IL1RAPL2: variants seen among roughly 807,000 people sequenced by gnomAD.
The protein encoded by IL1RAPL2 is X-linked interleukin-1 receptor accessory protein-like 2.
In IL1RAPL2, 3 loss-of-function variants were observed where a neutral mutation model predicts 44.1. That is an observed-to-expected ratio of 0.07 (90% CI 0.03 to 0.18). The LOEUF (loss-of-function observed/expected upper bound fraction) is 0.18. Among genes scored for constraint, IL1RAPL2 ranks in the 10% least tolerant of loss-of-function variants. The pLI is 1.00. For missense variants in IL1RAPL2, 391 were observed against 496.4 expected, an observed-to-expected ratio of 0.79 and a Z score of 2.02; for synonymous variants, 181 against 178.8, an observed-to-expected ratio of 1.01 and a Z score of -0.10.
At chrX:105,334,642 A>G (rs1450921878) in intron 5 of IL1RAPL2, among the ~76,000 whole-genome samples, 1 of 111,722 alleles carries the variant, frequency 9.0e-6, no homozygotes, top group Non-Finnish European at 1.9e-5. Flanking sequence ...TACACCTACT[A>G]TGTACCCACA....
intron 5 of IL1RAPL2, among the ~76,000 whole-genome samples, chrX:105,379,111 T>C (rs759900379): frequency 8.9e-6 from 1 of 111,946 alleles, no homozygotes; most frequent in African/African-American, 3.2e-5. Flanking sequence ...CCTAAAACTT[T>C]ACAGTATTCT....
intron 2 of IL1RAPL2, among the ~76,000 whole-genome samples, chrX:105,034,101 T>G (rs1169598998): frequency 8.9e-6 from 1 of 111,950 alleles, no homozygotes; most frequent in African/African-American, 3.2e-5. Flanking sequence ...TTCTCTGCAT[T>G]GGTTATTGTA....
chrX:104,728,274 G>A (rs1931836674), intron 2 of IL1RAPL2, among the ~76,000 whole-genome samples: 1 of 111,389 alleles, frequency 9.0e-6, no homozygotes, highest in Non-Finnish European at 1.9e-5. Flanking sequence ...GACACTTGGT[G>A]AAAGAACTAC....
intron 5 of IL1RAPL2, among the ~76,000 whole-genome samples, chrX:105,452,263 T>C (rs1212226909): frequency 1.8e-5 from 2 of 111,818 alleles, no homozygotes; most frequent in Admixed American, 9.5e-5. Flanking sequence ...TAAAACTATG[T>C]ATTATTTTTG....
At chrX:105,548,082 C>G (rs1368148893) in intron 6 of IL1RAPL2, among the ~76,000 whole-genome samples, 1 of 111,571 alleles carries the variant, frequency 9.0e-6, no homozygotes, top group Non-Finnish European at 1.9e-5. Context: ...TTCATCCAAG[C>G]ACACAGCTGT....
At chrX:104,987,149 A>G (rs781471043) in intron 2 of IL1RAPL2, among the ~76,000 whole-genome samples, 5 of 111,687 alleles carry the variant, frequency 4.5e-5, no homozygotes, top group South Asian at 3.8e-4. Flanking sequence ...AGTGGACTTC[A>G]CTGACTATCC....
chrX:105,553,954 T>C (rs1343686648), intron 6 of IL1RAPL2, among the ~76,000 whole-genome samples: 1 of 113,046 alleles, frequency 8.8e-6, no homozygotes, highest in South Asian at 3.6e-4. Context: ...ATCTTCAACA[T>C]TGAGCCACCC....
chrX:105,754,497 T>C (rs2038621465), intron 9 of IL1RAPL2, among the ~76,000 whole-genome samples: 1 of 112,747 alleles, frequency 8.9e-6, no homozygotes, highest in Non-Finnish European at 1.9e-5. Context: ...TTGGCAATAC[T>C]GGACGGATGT....
intron 2 of IL1RAPL2, among the ~76,000 whole-genome samples, chrX:104,936,857 C>T (rs181729506): frequency 1.8e-5 from 2 of 111,001 alleles, no homozygotes; most frequent in South Asian, 3.9e-4. Context: ...CCACCCGCCT[C>T]GGCCTCCCAA....
At chrX:104,902,192 C>CT (rs1923838944) in intron 2 of IL1RAPL2, among the ~76,000 whole-genome samples, 1 of 111,764 alleles carries the variant, frequency 8.9e-6, no homozygotes, top group African/African-American at 3.3e-5. Context: ...TCAAAGGGGA[C>CT]TGCCAAGGCC....
chrX:105,541,909 CCCA>C (rs1385580809), intron 6 of IL1RAPL2, among the ~76,000 whole-genome samples: 2 of 111,277 alleles, frequency 1.8e-5, no homozygotes, highest in Non-Finnish European at 3.8e-5. Context: ...TCCCACCACC[CCCA>C]CACCAGGAAA....
chrX:105,363,196 C>T (rs752028700), intron 5 of IL1RAPL2, among the ~76,000 whole-genome samples: 2 of 101,762 alleles, frequency 2.0e-5, no homozygotes, highest in Non-Finnish European at 4.0e-5. Context: ...GACAGAATAT[C>T]CTCATTTTTT....
intron 6 of IL1RAPL2, among the ~76,000 whole-genome samples, chrX:105,571,871 A>G (rs987120850): frequency 8.1e-5 from 9 of 110,599 alleles, no homozygotes; most frequent in African/African-American, 3.0e-4. Context: ...AGAGGCCCAC[A>G]AGAACTAATC....
chrX:105,514,671 G>T (rs2036498553), intron 6 of IL1RAPL2, among the ~76,000 whole-genome samples: 1 of 111,456 alleles, frequency 9.0e-6, no homozygotes, highest in Non-Finnish European at 1.9e-5. Flanking sequence ...AGCAAAAGCG[G>T]ACAGTAAAAG....
intron 2 of IL1RAPL2, among the ~76,000 whole-genome samples, chrX:105,099,913 GA>G (rs773801311): frequency 7.3e-5 from 8 of 110,236 alleles, no homozygotes; most frequent in Admixed American, 2.9e-4. Context: ...ATTTCAACCT[GA>G]GGTTTGGAGG....
chrX:105,326,314 C>T (rs2034937985), intron 5 of IL1RAPL2, among the ~76,000 whole-genome samples: 1 of 111,327 alleles, frequency 9.0e-6, no homozygotes, highest in South Asian at 3.8e-4. Context: ...GCCTCTGACT[C>T]CCAAAATGGT....
rs892925924 is a variant in IL1RAPL2 at position 105,519,676 on chromosome X, T to C, written c.772+35289T>C. 5.4e-5 allele frequency among the ~76,000 whole-genome samples: 6 copies of C among 111,262 alleles called. No homozygotes were observed. The Admixed American group carries it at 5.7e-4, about 11-fold the overall frequency. Reference sequence around the variant, plus strand: ...TTTGGGAAGAGTAAAGAAACGCTAATGAAAGCAGGGAAATAGCAAAGTCAT... The same window carrying C: ...TTTGGGAAGAGTAAAGAAACGCTAACGAAAGCAGGGAAATAGCAAAGTCAT... On this transcript the variant is annotated intron_variant, in intron 6 of 10. Transcript: ENST00000372582.
At chrX:105,046,187 G>A (rs907745670) in intron 2 of IL1RAPL2, among the ~76,000 whole-genome samples, 1 of 111,328 alleles carries the variant, frequency 9.0e-6, no homozygotes, top group Non-Finnish European at 1.9e-5. Flanking sequence ...ATATATGACT[G>A]TTTCTACTTT....
chrX:105,440,068 C>A (rs1409793121), intron 5 of IL1RAPL2, among the ~76,000 whole-genome samples: 1 of 111,434 alleles, frequency 9.0e-6, no homozygotes, highest in Non-Finnish European at 1.9e-5. Context: ...CAGAAAACAT[C>A]CCACAAAATG....
Sources: allele counts gnomAD v4.1 joint callset (sites outside exome capture counted in the v4.1 genomes callset), GRCh38; gene constraint gnomAD v4.1.1; transcripts MANE v1.5; gene names NCBI Gene and HGNC (gene_info 2026-07-23, HGNC 2026-07-21).